NHSL1: variants seen among roughly 807,000 people sequenced by gnomAD.
The protein encoded by NHSL1 is NHS-like protein 1.
NHSL1 carries 48 observed loss-of-function variants against 95.0 expected under a neutral mutation model. The ratio of observed to expected loss-of-function variants is 0.51; its 90% CI spans 0.40 to 0.64. NHSL1 has a LOEUF of 0.64. Ranked by LOEUF, NHSL1 falls within the 30% of genes least tolerant of loss-of-function variation. The pLI, the probability that NHSL1 is intolerant of heterozygous loss-of-function variation, is 0.00. For synonymous variants in NHSL1, 783 were observed against 833.9 expected, an observed-to-expected ratio of 0.94 and a Z score of 1.05; for missense variants, 1,971 against 2,077.7, an observed-to-expected ratio of 0.95 and a Z score of 1.00.
At chr6:138,687,319 A>C (rs1355878283) in intron 1 of NHSL1, among the ~76,000 whole-genome samples, 1 of 151,848 alleles carries the variant, frequency 6.6e-6, no homozygotes, top group Non-Finnish European at 1.5e-5. Flanking sequence ...TGCAGTGAAC[A>C]CTCTGTCTTT....
chr6:138,454,480 T>C (rs183569867), intron 3 of NHSL1, among the ~76,000 whole-genome samples: 5 of 152,264 alleles, frequency 3.3e-5, no homozygotes, highest in Admixed American at 3.3e-4. Context: ...TGGCAAAGGC[T>C]CTACTCCCCA....
intron 2 of NHSL1, among the ~76,000 whole-genome samples, chr6:138,478,655 A>C (rs1042788071): frequency 1.3e-5 from 2 of 152,240 alleles, no homozygotes; most frequent in African/African-American, 4.8e-5. Flanking sequence ...ATTTAAAGCC[A>C]GGTTATGCCT....
chr6:138,494,730 G>A (rs1218583279), intron 2 of NHSL1, among the ~76,000 whole-genome samples: 1 of 152,126 alleles, frequency 6.6e-6, no homozygotes, highest in Non-Finnish European at 1.5e-5. Flanking sequence ...TTACATTTCA[G>A]ATAAATAACA....
chr6:138,444,577 A>ATTTT (rs536970644), intron 4 of NHSL1, among the ~76,000 whole-genome samples: 1 of 139,698 alleles, frequency 7.2e-6, no homozygotes. Context: ...TGAAATCGCC[A>ATTTT]TTTTTTTTTT....
At chr6:138,545,446 G>A (rs1246173352) in intron 1 of NHSL1, among the ~76,000 whole-genome samples, 2 of 152,086 alleles carry the variant, frequency 1.3e-5, no homozygotes, top group Non-Finnish European at 1.5e-5. Flanking sequence ...CCCAGCAGGA[G>A]GTCTTTCTTC....
At chr6:138,677,626 A>ATC (rs1179900178) in intron 1 of NHSL1, among the ~76,000 whole-genome samples, 6 of 152,166 alleles carry the variant, frequency 3.9e-5, no homozygotes, top group African/African-American at 1.4e-4. Flanking sequence ...CCCTCTGGAA[A>ATC]TTTAGTGTTG....
intron 5 of NHSL1, among the ~76,000 whole-genome samples, chr6:138,440,914 A>T (rs1776486865): frequency 6.6e-6 from 1 of 152,236 alleles, no homozygotes; most frequent in Non-Finnish European, 1.5e-5. Flanking sequence ...ATCAGGTGAA[A>T]GTAACTATTA....
rs577578661 is a variant in NHSL1 at position 138,513,798 on chromosome 6, A to G, written c.17-17427T>C. ...TCATCGAAACCTATACTTTTCTTCT[A>G]TATCACTACTACTTGTAGTGATTTG... is the stretch of plus-strand genomic sequence containing the variant. On this transcript the variant is annotated intron_variant, in intron 1 of 4. Transcript: ENST00000342260. Among the ~76,000 whole-genome samples, 18 of 152,188 alleles carry G rather than the reference A, an allele frequency of 1.2e-4. No individual in the cohort carries two copies. In the East Asian group the frequency reaches 2.5e-3, roughly 21 times the overall value.
intron 4 of NHSL1, among the ~76,000 whole-genome samples, chr6:138,444,715 G>A (rs776950369): frequency 1.8e-4 from 28 of 151,742 alleles, no homozygotes; most frequent in Non-Finnish European, 3.5e-4. Context: ...TAGGACTTTA[G>A]AAATACATAA....
chr6:138,609,479 G>A (rs910702467), intron 1 of NHSL1, among the ~76,000 whole-genome samples: 4 of 151,984 alleles, frequency 2.6e-5, no homozygotes, highest in Non-Finnish European at 5.9e-5. Context: ...GGCCGGGCGC[G>A]GTGGCTCATG....
chr6:138,684,763 A>C (rs1192263665), intron 1 of NHSL1, among the ~76,000 whole-genome samples: 2 of 152,226 alleles, frequency 1.3e-5, no homozygotes, highest in Non-Finnish European at 2.9e-5. Flanking sequence ...GTGCAGCTGA[A>C]GTGCACACTG....
At chr6:138,559,028 G>C (rs187475517) in intron 1 of NHSL1, among the ~76,000 whole-genome samples, 1 of 151,468 alleles carries the variant, frequency 6.6e-6, no homozygotes, top group African/African-American at 2.4e-5. Context: ...CAGCCTGGAC[G>C]ACAGAGGGAG....
intron 1 of NHSL1, among the ~76,000 whole-genome samples, chr6:138,612,422 T>G (rs4896378): frequency 0.42 from 64,286 of 151,914 alleles, 15,730 homozygotes; most frequent in African/African-American, 0.68. Context: ...CAATGAAAAA[T>G]AATAAGTATA....
At position 138,473,329 on chromosome 6, in the gene NHSL1, C is replaced by T. The variant is rs1420060708; in HGVS notation, c.316G>A (p.Glu106Lys). ...ACCTTTTGATCTGTTTCTTCATCTT[C>T]ATCTTGGTAATCATCACAGAATGGG... ...ASPFCDDYQD[E>K]DEETDQKCSL... The change falls in exon 3 of 8, where the codon GAA (glutamate) becomes AAA (lysine). Residue 106 changes from glutamate to lysine, a missense_variant. Around this residue, in one of 3 missense-constraint regions of NHSL1, gnomAD observed 1,602 missense variants for 1,654.5 expected, o/e 0.97. Coordinates refer to ENST00000343505, the MANE Select transcript of NHSL1 (RefSeq NM_001144060.2). 3.2e-6 allele frequency: 5 copies of T among 1,546,174 alleles called. No individual in the cohort carries two copies. Among genetic ancestry groups the T allele is most frequent in the Non-Finnish European group, 3.5e-6 (4 of 1,144,990 alleles).
chr6:138,599,198 T>A (rs1290535016), intron 1 of NHSL1, among the ~76,000 whole-genome samples: 2 of 152,270 alleles, frequency 1.3e-5, no homozygotes, highest in African/African-American at 2.4e-5. Flanking sequence ...TTTAGTGTTT[T>A]ATGGTAACCA....
intron 2 of NHSL1, among the ~76,000 whole-genome samples, chr6:138,485,371 C>T (rs776143343): frequency 1.3e-5 from 2 of 151,310 alleles, no homozygotes; most frequent in Non-Finnish European, 1.5e-5. Context: ...TTAAACAATC[C>T]GCAGTGCTTT....
Position 138,534,489 on chromosome 6 carries a change from C to T in NHSL1, c.16+11134G>A, listed in dbSNP as rs182005974. ...AAAGGGTAAAATACCCTGTATTTAC[C>T]AGCAGAGCCTTTTTCATAGAATTCA... On this transcript the variant is annotated intron_variant, in intron 1 of 4. Transcript: ENST00000342260. Among the ~76,000 whole-genome samples the T allele has an allele frequency of 8.1e-4, 124 of 152,220 alleles. 2 individuals are homozygous for T. The highest frequency in any genetic ancestry group is 2.6e-3 in the African/African-American group (110 of 41,534).
chr6:138,638,044 T>A (rs1368524790), intron 1 of NHSL1, among the ~76,000 whole-genome samples: 1 of 152,208 alleles, frequency 6.6e-6, no homozygotes, highest in African/African-American at 2.4e-5. Context: ...AAGAATTAGA[T>A]CCTGTCATTT....
Position 138,430,880 on chromosome 6 carries a change from C to G in NHSL1, c.3465G>C (p.Glu1155Asp). ...SSQGDHGSAA[E>D]RGGPVSRSPG... ...GGCTGCGGCTCACAGGGCCACCACGCTCAGCCGCACTGCCATGGTCACCCT... is the reference window on the plus strand; with the variant it reads ...GGCTGCGGCTCACAGGGCCACCACGGTCAGCCGCACTGCCATGGTCACCCT... Residue 1155 changes from glutamate to aspartate, a missense_variant, in exon 6 of 8, where the codon GAG becomes GAC. This residue lies in a region of NHSL1 where 1,602 missense variants were observed against 1,654.5 expected (regional missense o/e 0.97). Coordinates refer to ENST00000343505, the MANE Select transcript of NHSL1 (RefSeq NM_001144060.2). The surrounding 1 kb of genome is among the most constrained non-coding windows in gnomAD (Gnocchi z 4.7). The G allele has an allele frequency of 6.4e-7, 1 of 1,551,354 alleles. No homozygotes were observed. Among genetic ancestry groups the G allele is most frequent in the South Asian group, 1.2e-5 (1 of 84,056 alleles).
Sources: allele counts gnomAD v4.1 joint callset (sites outside exome capture counted in the v4.1 genomes callset), GRCh38; gene constraint gnomAD v4.1.1; regional missense constraint gnomAD v4.1.1; non-coding constraint Gnocchi (gnomAD v3.1); transcripts MANE v1.5; gene names NCBI Gene and HGNC (gene_info 2026-07-23, HGNC 2026-07-21).